Variants in PHF21A observed in about 807,000 individuals in gnomAD.
The protein encoded by PHF21A is PHD finger protein 21A.
PHF21A carries 11 observed loss-of-function variants against 82.5 expected under a neutral mutation model. That is an observed-to-expected ratio of 0.13 (90% CI 0.08 to 0.22). The LOEUF is 0.22. PHF21A is among the 10% of genes least tolerant of loss of function. The pLI is 1.00. For missense variants in PHF21A, 579 were observed against 837.8 expected, an observed-to-expected ratio of 0.69 and a Z score of 3.81; for synonymous variants, 297 against 302.8, an observed-to-expected ratio of 0.98 and a Z score of 0.20.
Position 45,934,176 on chromosome 11 carries a change from T to A in PHF21A, c.1838A>T (p.His613Leu), listed in dbSNP as rs150425973. The change falls in exon 19 of 19, where the codon CAC (histidine) becomes CTC (leucine). Residue 613 changes from histidine (H) to leucine (L), a missense_variant. His to Leu is a moderately conservative substitution (Grantham distance 99). Transcript: ENST00000676320. ...CTGTTTTACCTTCTCCAGGGAGCTGTGCATCTCCTTCTGCCGGGCCAGGAT... is the reference window on the plus strand; with the variant it reads ...CTGTTTTACCTTCTCCAGGGAGCTGAGCATCTCCTTCTGCCGGGCCAGGAT... ...NTILARQKEM[H>L]SSLEKVKQLI... is the part of the protein sequence containing the mutation. The A allele has an allele frequency of 1.7e-5, 28 of 1,614,036 alleles. No individual in the cohort carries two copies. The African/African-American group carries it at 2.8e-4, about 16-fold the overall frequency.
intron 11 of PHF21A, among the ~76,000 whole-genome samples, chr11:45,951,448 A>C (rs763390612): frequency 3.3e-5 from 5 of 152,256 alleles, no homozygotes; most frequent in Non-Finnish European, 5.9e-5. Context: ...ATTATTTCTT[A>C]TTTCAAAAAC....
chr11:45,980,019 G>C, intron 6 of PHF21A, 53 bp from the exon 7 acceptor site: 1 of 1,610,498 alleles, frequency 6.2e-7, no homozygotes, highest in Non-Finnish European at 8.5e-7. Context: ...TGCTCTATCA[G>C]CTGCACAGAA....
intron 3 of PHF21A, 21 bp downstream of exon 3, chr11:46,090,434 T>C (rs947587084): frequency 2.0e-5 from 3 of 152,116 alleles, no homozygotes; most frequent in Admixed American, 6.6e-5. Flanking sequence ...ATAAGAGTCG[T>C]ACAAAAAAGG....
At chr11:46,034,465 A>G (rs762644355) in intron 6 of PHF21A, among the ~76,000 whole-genome samples, 3 of 152,216 alleles carry the variant, frequency 2.0e-5, no homozygotes, top group Middle Eastern at 6.8e-3. Context: ...TCTTCTTATC[A>G]TACTAAGGAA....
chr11:45,992,954 T>C (rs929981780), intron 6 of PHF21A, among the ~76,000 whole-genome samples: 2 of 152,206 alleles, frequency 1.3e-5, no homozygotes, highest in African/African-American at 4.8e-5. Flanking sequence ...AGAAAGCAGT[T>C]GTTTAAAGAG....
intron 6 of PHF21A, among the ~76,000 whole-genome samples, chr11:45,995,681 G>C (rs2094883002): frequency 6.6e-6 from 1 of 152,210 alleles, no homozygotes; most frequent in Admixed American, 6.5e-5. Context: ...TGCAAGACCA[G>C]CACATGTAAC....
chr11:45,969,711 T>G (rs577183408), intron 9 of PHF21A, 104 bp downstream of exon 9: 2 of 730,018 alleles, frequency 2.7e-6, no homozygotes, highest in Non-Finnish European at 4.9e-6. Flanking sequence ...CTAAGCGGGA[T>G]AGACAGCTGG....
At chr11:46,119,768 A>G (rs1255276690) in intron 1 of PHF21A, 2 of 151,438 alleles carry the variant, frequency 1.3e-5, no homozygotes, top group African/African-American at 4.9e-5. Context: ...AGAAATCCTA[A>G]CAGCACCGCT....
At chr11:45,957,751 C>CAAAAAAAAAAAAAAAAAGAAAAAAA (rs2092750679) in intron 10 of PHF21A, among the ~76,000 whole-genome samples, 2 of 60,892 alleles carry the variant, frequency 3.3e-5, no homozygotes, top group Admixed American at 1.8e-4. Flanking sequence ...AAATTCAAAG[C>CAAAAAAAAAAAAAAAAAGAAAAAAA]AAAAAAAAAA....
chr11:46,066,619 A>AGC (rs1370096212), intron 6 of PHF21A, among the ~76,000 whole-genome samples: 1 of 152,228 alleles, frequency 6.6e-6, no homozygotes, highest in Non-Finnish European at 1.5e-5. Flanking sequence ...GGATTACTTG[A>AGC]GCCCAGGAGT....
In PHF21A at chr11:46,030,828, T is replaced by C. The variant is rs569602100; in HGVS notation, c.153+45926A>G. On this transcript the variant is annotated intron_variant, in intron 6 of 18. Coordinates refer to ENST00000676320, the MANE Select transcript of PHF21A (RefSeq NM_001352027.3). Reference sequence around the variant, plus strand: ...CATAGTGTGTGTGTGTGCGTGTGTGTGCGTGTGTGTGTGTGTGTGTGTGTG... The same window carrying C: ...CATAGTGTGTGTGTGTGCGTGTGTGCGCGTGTGTGTGTGTGTGTGTGTGTG... 1.3e-3 allele frequency among the ~76,000 whole-genome samples: 137 copies of C among 109,204 alleles called. 3 individuals are homozygous for C. Among genetic ancestry groups the C allele is most frequent in the African/African-American group, 2.0e-3 (55 of 27,792 alleles). The allele number at this position is 109,204 out of a possible 152,430, so 71.6% of individuals were successfully genotyped here. A position where few individuals can be genotyped will look rare whatever the true frequency, so the allele number is the denominator to read the frequency against.
chr11:46,002,889 C>T (rs1268764337), intron 6 of PHF21A, among the ~76,000 whole-genome samples: 1 of 152,076 alleles, frequency 6.6e-6, no homozygotes, highest in Non-Finnish European at 1.5e-5. Flanking sequence ...ATGTATTTAA[C>T]ATTAAGTAGA....
intron 6 of PHF21A, among the ~76,000 whole-genome samples, chr11:46,018,702 G>A (rs1041726227): frequency 2.0e-5 from 3 of 152,020 alleles, no homozygotes; most frequent in Non-Finnish European, 4.4e-5. Flanking sequence ...ATCCTGATAT[G>A]GACAACACAT....
At chr11:46,028,775 T>C (rs1286116059) in intron 6 of PHF21A, among the ~76,000 whole-genome samples, 5 of 152,152 alleles carry the variant, frequency 3.3e-5, no homozygotes, top group Admixed American at 2.6e-4. Context: ...GGTTTCACCA[T>C]GTTGGTCAGG....
At position 46,079,830 on chromosome 11, in the gene PHF21A, TGGAAA is replaced by T. The variant is rs773773637; in HGVS notation, c.55-669_55-665del. Among the ~76,000 whole-genome samples the T allele has an allele frequency of 6.5e-4, 46 of 71,018 alleles. 1 individual carries two copies. The East Asian group carries it at 0.012, about 18-fold the overall frequency. The allele number at this position is 71,018 out of a possible 152,430, so 46.6% of individuals were successfully genotyped here. On this transcript the variant is annotated intron_variant, in intron 4 of 18. Coordinates refer to ENST00000676320, the MANE Select transcript of PHF21A (RefSeq NM_001352027.3). ...TAGGGAAAACAGAAGCCCAAACAAATGGAAAGGAAAGGAAAGGAAAGAGGAAAGGA... is the reference window on the plus strand; with the variant it reads ...TAGGGAAAACAGAAGCCCAAACAAATGGAAAGGAAAGGAAAGAGGAAAGGA...
intron 10 of PHF21A, among the ~76,000 whole-genome samples, chr11:45,956,276 A>G (rs1351566628): frequency 6.6e-6 from 1 of 152,214 alleles, no homozygotes; most frequent in Non-Finnish European, 1.5e-5. Flanking sequence ...TATAAAAGCC[A>G]GTGTTATTAT....
At position 46,061,583 on chromosome 11, in the gene PHF21A, T is replaced by C. The variant is rs116402195; in HGVS notation, c.153+15171A>G. Among the ~76,000 whole-genome samples, 516 of 152,290 alleles carry C rather than the reference T, an allele frequency of 3.4e-3. 4 individuals are homozygous for C. Among genetic ancestry groups the C allele is most frequent in the African/African-American group, 0.012 (493 of 41,550 alleles). On this transcript the variant is annotated intron_variant, in intron 6 of 18. Transcript: ENST00000676320. ...TCCTACAATTAATTCTTTCCCATACTTTCCAAAGAAACTATACAATGTCTC... is the reference window on the plus strand; with the variant it reads ...TCCTACAATTAATTCTTTCCCATACCTTCCAAAGAAACTATACAATGTCTC...
intron 6 of PHF21A, among the ~76,000 whole-genome samples, chr11:45,993,535 T>C (rs924156453): frequency 4.6e-5 from 7 of 151,858 alleles, no homozygotes; most frequent in South Asian, 2.1e-4. Flanking sequence ...TGAAGCTCTG[T>C]TCACTAACAA....
At chr11:46,044,322 T>C (rs1332503920) in intron 6 of PHF21A, among the ~76,000 whole-genome samples, 3 of 152,078 alleles carry the variant, frequency 2.0e-5, no homozygotes, top group Non-Finnish European at 4.4e-5. Context: ...AGAAAATTCA[T>C]GCAAGGTAAA....
Sources: allele counts gnomAD v4.1 joint callset (sites outside exome capture counted in the v4.1 genomes callset), GRCh38; gene constraint gnomAD v4.1.1; transcripts MANE v1.5; gene names NCBI Gene and HGNC (gene_info 2026-07-23, HGNC 2026-07-21).